The following ST6GAL1 variants were observed in gnomAD, a reference collection of about 807,000 sequenced individuals.
ST6GAL1 encodes ST6 beta-galactoside alpha-2,6-sialyltransferase 1, also known as beta-galactoside alpha-2,6-sialyltransferase 1.
A neutral mutation model predicts 38.0 loss-of-function variants in ST6GAL1; 20 were observed. The observed-to-expected ratio is 0.53, with a 90% confidence interval of 0.37 to 0.77. ST6GAL1 has a LOEUF of 0.77. Ranked by LOEUF, ST6GAL1 falls within the 30% of genes least tolerant of loss-of-function variation. The pLI is 0.00. For synonymous variants in ST6GAL1, 196 were observed against 188.2 expected (o/e 1.04, Z -0.34); for missense variants, 432 against 496.4 (o/e 0.87, Z 1.23).
chr3:186,943,096 C>T (rs1306772670), intron 1 of ST6GAL1, among the ~76,000 whole-genome samples: 3 of 152,166 alleles, frequency 2.0e-5, no homozygotes, highest in Non-Finnish European at 4.4e-5. Context: ...ATATTAATTA[C>T]AATATAGTGT....
intron 2 of ST6GAL1, among the ~76,000 whole-genome samples, chr3:186,997,189 C>G (rs184125818): frequency 6.6e-6 from 1 of 152,146 alleles, no homozygotes; most frequent in African/African-American, 2.4e-5. Flanking sequence ...GGGCACGTTA[C>G]GCTACTTCCT....
intron 1 of ST6GAL1, among the ~76,000 whole-genome samples, chr3:186,960,924 A>T (rs2108525769): frequency 6.6e-6 from 1 of 150,416 alleles, no homozygotes; most frequent in African/African-American, 2.4e-5. Flanking sequence ...TTTGTAGGCC[A>T]GCTTCCTCTC....
intron 3 of ST6GAL1, 62 bp from the exon 4 acceptor site, chr3:187,042,592 G>A (rs140674859): frequency 3.2e-5 from 46 of 1,447,374 alleles, no homozygotes; most frequent in East Asian, 4.6e-5. Context: ...CCATCGCTCC[G>A]CCTCATGCCA....
In ST6GAL1 at chr3:186,937,315, C is replaced by A. The variant is rs1437918937; in HGVS notation, c.-325+6481C>A. ...AGGGCCTATAAAATTTCAGGAGCCT[C>A]CAACTGCCTCTGCCTTTCCCACCAT... On this transcript the variant is annotated intron_variant, in intron 1 of 7. Coordinates refer to ENST00000169298, the MANE Select transcript of ST6GAL1 (RefSeq NM_173216.2). 3.3e-5 allele frequency among the ~76,000 whole-genome samples: 5 copies of A among 152,266 alleles called. No homozygotes were observed. In the East Asian group the frequency reaches 9.7e-4, roughly 29 times the overall value.
At chr3:186,995,624 A>G (rs1310768149) in intron 2 of ST6GAL1, among the ~76,000 whole-genome samples, 2 of 151,618 alleles carry the variant, frequency 1.3e-5, no homozygotes, top group East Asian at 3.9e-4. Flanking sequence ...TGGGTGGATC[A>G]CCTGAGGTCA....
chr3:187,001,775 G>C (rs550730324), intron 2 of ST6GAL1, among the ~76,000 whole-genome samples: 75 of 152,170 alleles, frequency 4.9e-4, no homozygotes, highest in Non-Finnish European at 9.1e-4. Flanking sequence ...GGTCAACATG[G>C]TGAAACCCCG....
intron 2 of ST6GAL1, chr3:186,974,835 C>T (rs980119947): frequency 6.6e-6 from 1 of 152,160 alleles, no homozygotes; most frequent in African/African-American, 2.4e-5. Context: ...CAAGTGTAGC[C>T]TAACTTGCCT....
Position 187,076,664 on chromosome 3 carries a change from C to G in ST6GAL1, c.*861C>G. 1 of 396,540 alleles carries G rather than the reference C, an allele frequency of 2.5e-6. No individual in the cohort carries two copies. Among genetic ancestry groups the G allele is most frequent in the Non-Finnish European group, 4.4e-6 (1 of 225,382 alleles). The allele number at this position is 396,540 out of a possible 1,614,324, so 24.6% of individuals were successfully genotyped here. On this transcript the variant is annotated 3_prime_UTR_variant, in exon 8 of 8. Coordinates refer to ENST00000169298, the MANE Select transcript of ST6GAL1 (RefSeq NM_173216.2). ...TAGCACAGGGGGCATTCAGATGAGT[C>G]TTAGAGGAAGAGAAGAAACATGGCA...
intron 5 of ST6GAL1, among the ~76,000 whole-genome samples, chr3:187,054,508 AG>A (rs1248741659): frequency 6.6e-6 from 1 of 152,210 alleles, no homozygotes; most frequent in Non-Finnish European, 1.5e-5. Flanking sequence ...TTTAGCATGA[AG>A]GGCTGTTGTA....
chr3:186,967,601 A>G (rs78834471), intron 2 of ST6GAL1, among the ~76,000 whole-genome samples: 9,924 of 152,110 alleles, frequency 0.065, 504 homozygotes, highest in East Asian at 0.21. Flanking sequence ...GGCTGAGGGG[A>G]GGAGGCAGAG....
At chr3:186,994,807 G>C (rs1030655826) in intron 2 of ST6GAL1, among the ~76,000 whole-genome samples, 8 of 152,056 alleles carry the variant, frequency 5.3e-5, no homozygotes, top group Non-Finnish European at 8.8e-5. Context: ...AGCCAGGCAT[G>C]GTGGGCGCCT....
At chr3:187,058,170 G>A (rs1718783211) in intron 5 of ST6GAL1, among the ~76,000 whole-genome samples, 1 of 152,190 alleles carries the variant, frequency 6.6e-6, no homozygotes, top group South Asian at 2.1e-4. Flanking sequence ...GTTTGGGCGG[G>A]AGTGTCCCAT....
chr3:187,071,367 C>A (rs762838328), intron 5 of ST6GAL1, among the ~76,000 whole-genome samples: 3 of 152,138 alleles, frequency 2.0e-5, no homozygotes, highest in African/African-American at 7.2e-5. Flanking sequence ...ACTTTTCTTT[C>A]TCATTCACTC....
intron 2 of ST6GAL1, among the ~76,000 whole-genome samples, chr3:186,969,734 G>A (rs565731305): frequency 7.4e-4 from 112 of 152,274 alleles, no homozygotes; most frequent in African/African-American, 2.6e-3. Flanking sequence ...GGGGAGTCAA[G>A]GAAGCTTCCT....
chr3:187,036,888 T>C (rs1197526082), intron 2 of ST6GAL1, among the ~76,000 whole-genome samples: 8 of 152,166 alleles, frequency 5.3e-5, no homozygotes, highest in African/African-American at 1.9e-4. Flanking sequence ...ATCTAACATA[T>C]AAATTAAAAT....
At chr3:187,051,128 C>A (rs1410784788) in intron 4 of ST6GAL1, 121 bp from the exon 5 acceptor site, 3 of 850,498 alleles carry the variant, frequency 3.5e-6, no homozygotes, top group Non-Finnish European at 3.9e-6. Context: ...CCCTGTGGAT[C>A]ATGATGGGGT....
intron 2 of ST6GAL1, among the ~76,000 whole-genome samples, chr3:187,004,581 C>T (rs142704477): frequency 6.6e-6 from 1 of 152,306 alleles, no homozygotes; most frequent in East Asian, 1.9e-4. Flanking sequence ...ATGTAATACA[C>T]TAGAGTCGGG....
chr3:187,066,989 C>T (rs867491869), intron 5 of ST6GAL1, among the ~76,000 whole-genome samples: 3 of 151,906 alleles, frequency 2.0e-5, no homozygotes, highest in Middle Eastern at 3.2e-3. Flanking sequence ...CCATCTAATA[C>T]CATGGAGTGA....
At chr3:186,948,451 G>C (rs943917667) in intron 1 of ST6GAL1, among the ~76,000 whole-genome samples, 3 of 152,138 alleles carry the variant, frequency 2.0e-5, no homozygotes, top group Non-Finnish European at 2.9e-5. Context: ...GGCACCTGAC[G>C]TTTGCTCCGG....
Sources: allele counts gnomAD v4.1 joint callset (sites outside exome capture counted in the v4.1 genomes callset), GRCh38; gene constraint gnomAD v4.1.1; transcripts MANE v1.5; gene names NCBI Gene and HGNC (gene_info 2026-07-23, HGNC 2026-07-21).